Variants in GRIA2 observed in about 807,000 individuals in gnomAD.
GRIA2 encodes glutamate receptor 2.
GRIA2 carries 14 observed loss-of-function variants against 97.3 expected under a neutral mutation model. That is an observed-to-expected ratio of 0.14 (90% CI 0.10 to 0.23). GRIA2 has a LOEUF of 0.23. GRIA2 is among the 10% of genes least tolerant of loss of function. GRIA2 has a pLI of 1.00. For missense variants in GRIA2, 558 were observed against 1,069.8 expected (o/e 0.52, Z 6.67); for synonymous variants, 412 against 387.8 (o/e 1.06, Z -0.73).
intron 2 of GRIA2, among the ~76,000 whole-genome samples, chr4:157,259,275 C>T (rs978465349): frequency 6.6e-6 from 1 of 151,966 alleles, no homozygotes; most frequent in Non-Finnish European, 1.5e-5. Flanking sequence ...TGTCTTTGGC[C>T]TACCTTCACT....
At chr4:157,224,975 T>A (rs796501066) in intron 2 of GRIA2, among the ~76,000 whole-genome samples, 18 of 152,268 alleles carry the variant, frequency 1.2e-4, no homozygotes, top group African/African-American at 4.3e-4. Context: ...GAGCTAAATT[T>A]ACGTATTAAA....
chr4:157,220,958 T>A lies in GRIA2; in HGVS notation c.-85T>A. 1.3e-6 allele frequency: 1 copy of A among 763,144 alleles called. No homozygotes were observed. Among genetic ancestry groups the A allele is most frequent in the Non-Finnish European group, 2.4e-6 (1 of 420,186 alleles). The allele number at this position is 763,144 out of a possible 1,614,324, so 47.3% of individuals were successfully genotyped here. ...CTGTCTCAAAATGCAGAGGATCTAA[T>A]TTGCAGAGGAAAACAGCCAAAGAAG... On this transcript the variant is annotated 5_prime_UTR_variant, in exon 1 of 16. Transcript: ENST00000264426.
intron 1 of GRIA2, 29 bp downstream of exon 1, chr4:157,221,159 A>G: frequency 1.9e-6 from 2 of 1,061,762 alleles, no homozygotes; most frequent in Non-Finnish European, 3.0e-6. Context: ...ATGCTTTTGA[A>G]TTGTGCATAA....
intron 2 of GRIA2, among the ~76,000 whole-genome samples, chr4:157,227,100 A>C (rs1426350594): frequency 6.6e-6 from 1 of 152,190 alleles, no homozygotes; most frequent in Non-Finnish European, 1.5e-5. Context: ...TATTGAAATA[A>C]AAATTACCTT....
intron 12 of GRIA2, among the ~76,000 whole-genome samples, chr4:157,355,688 A>G (rs1308265524): frequency 1.4e-5 from 1 of 74,060 alleles, no homozygotes; most frequent in East Asian, 5.6e-4. Flanking sequence ...TTATTTATAT[A>G]TTTATTTATA....
intron 2 of GRIA2, among the ~76,000 whole-genome samples, chr4:157,273,768 T>C (rs895157195): frequency 1.3e-5 from 2 of 151,830 alleles, no homozygotes; most frequent in African/African-American, 4.8e-5. Context: ...TACATACACA[T>C]AATGGGAATA....
intron 2 of GRIA2, among the ~76,000 whole-genome samples, chr4:157,237,459 A>G (rs1399145753): frequency 6.6e-6 from 1 of 151,812 alleles, no homozygotes; most frequent in East Asian, 1.9e-4. Flanking sequence ...TGCCTGGTTA[A>G]TTTTTAAAAA....
intron 2 of GRIA2, among the ~76,000 whole-genome samples, chr4:157,227,151 A>T (rs7662928): frequency 0.018 from 2,739 of 152,266 alleles, 85 homozygotes; most frequent in African/African-American, 0.06. Context: ...ATTTATTCTT[A>T]TGCTATGCTA....
At chr4:157,344,700 G>A (rs1735697980) in intron 12 of GRIA2, among the ~76,000 whole-genome samples, 1 of 151,870 alleles carries the variant, frequency 6.6e-6, no homozygotes, top group African/African-American at 2.4e-5. Context: ...AATTTTATTA[G>A]TTATATTATT....
intron 6 of GRIA2, among the ~76,000 whole-genome samples, chr4:157,325,425 A>C (rs915421080): frequency 1.5e-4 from 23 of 152,138 alleles, no homozygotes; most frequent in Non-Finnish European, 8.8e-5. Flanking sequence ...TCATTTATTT[A>C]CTCAACACAT....
At chr4:157,356,427 A>C (rs929414499) in intron 12 of GRIA2, among the ~76,000 whole-genome samples, 1 of 151,698 alleles carries the variant, frequency 6.6e-6, no homozygotes, top group Admixed American at 6.6e-5. Flanking sequence ...ATGATGGGAA[A>C]TTATGTGGTT....
chr4:157,247,067 T>C lies in GRIA2; in HGVS notation c.229+25260T>C, dbSNP rs543900157. ...TTCCTCATCAAGATAAAGATGACAG[T>C]CTTGGGACTAAAGATGAATAGTTGG... On this transcript the variant is annotated intron_variant, in intron 2 of 15. Transcript: ENST00000264426. Among the ~76,000 whole-genome samples the C allele has an allele frequency of 5.3e-5, 8 of 152,276 alleles. No homozygotes were observed. The South Asian group carries it at 1.7e-3, about 32-fold the overall frequency.
At chr4:157,352,626 A>G (rs370998328) in intron 12 of GRIA2, among the ~76,000 whole-genome samples, 2 of 150,666 alleles carry the variant, frequency 1.3e-5, no homozygotes, top group Non-Finnish European at 3.0e-5. Context: ...ACACTGAGGC[A>G]GGAGAATCGC....
intron 2 of GRIA2, among the ~76,000 whole-genome samples, chr4:157,238,335 T>G (rs1050047753): frequency 6.6e-6 from 1 of 152,132 alleles, no homozygotes; most frequent in Non-Finnish European, 1.5e-5. Context: ...ATGAACTTAA[T>G]GTGGGCTTAT....
intron 2 of GRIA2, among the ~76,000 whole-genome samples, chr4:157,234,684 T>A (rs1385892276): frequency 2.6e-5 from 4 of 152,126 alleles, no homozygotes; most frequent in African/African-American, 7.2e-5. Context: ...TCCGTGAGGA[T>A]CAGTTTTATG....
intron 4 of GRIA2, among the ~76,000 whole-genome samples, chr4:157,316,548 G>A (rs1734328666): frequency 6.6e-6 from 1 of 152,010 alleles, no homozygotes; most frequent in African/African-American, 2.4e-5. Flanking sequence ...AAAGGATATA[G>A]TGGTGGAGCT....
chr4:157,239,130 C>T (rs1169205596), intron 2 of GRIA2, among the ~76,000 whole-genome samples: 1 of 152,074 alleles, frequency 6.6e-6, no homozygotes, highest in African/African-American at 2.4e-5. Flanking sequence ...CATGCCACAT[C>T]AGCTTGGATG....
chr4:157,238,162 A>G (rs1290821385), intron 2 of GRIA2, among the ~76,000 whole-genome samples: 2 of 152,124 alleles, frequency 1.3e-5, no homozygotes, highest in East Asian at 1.9e-4. Context: ...AGCTATTTAT[A>G]ACATAAATTT....
At chr4:157,290,217 C>T (rs777559508) in intron 2 of GRIA2, among the ~76,000 whole-genome samples, 24 of 151,888 alleles carry the variant, frequency 1.6e-4, no homozygotes, top group Non-Finnish European at 3.1e-4. Context: ...AGCAATAATA[C>T]ATAATACATC....
Sources: gnomAD v4.1 joint callset for allele counts (sites outside exome capture counted in the v4.1 genomes callset) on GRCh38, gnomAD v4.1.1 for gene constraint, MANE v1.5 for transcripts, NCBI Gene and HGNC (gene_info 2026-07-23, HGNC 2026-07-21) for gene names.